PDE8B: variants seen among roughly 807,000 people sequenced by gnomAD.
The protein encoded by PDE8B is high affinity cAMP-specific and IBMX-insensitive 3',5'-cyclic phosphodiesterase 8B.
PDE8B carries 26 observed loss-of-function variants against 101.3 expected under a neutral mutation model. The observed-to-expected ratio is 0.26, with a 90% CI of 0.19 to 0.36. The LOEUF (loss-of-function observed/expected upper bound fraction) is 0.36, where lower values mean the gene tolerates loss of function less well. Among genes scored for constraint, PDE8B ranks in the 10% least tolerant of loss-of-function variants. The pLI is 1.00. For synonymous variants in PDE8B, 424 were observed against 429.3 expected (o/e 0.99, Z 0.15); for missense variants, 810 against 1,163.1 (o/e 0.70, Z 4.42).
chr5:77,418,454 G>A lies in PDE8B; in HGVS notation c.2129+8G>A, dbSNP rs755918113. 1.3e-5 allele frequency: 20 copies of A among 1,597,212 alleles called. No individual in the cohort carries two copies. In the Admixed American group the frequency reaches 3.4e-4, roughly 27 times the overall value. On this transcript the variant is annotated splice_region_variant and intron_variant, in intron 18 of 21. Transcript: ENST00000264917. ...TTTCAAGAATATTGACAGGTTTGTTGTGCTGGGGCTCCTGTGCTCAAGTTT... is the reference window on the plus strand; with the variant it reads ...TTTCAAGAATATTGACAGGTTTGTTATGCTGGGGCTCCTGTGCTCAAGTTT...
the PDE8B span, chr5:77,112,530 A>ATTATTTTGAGCTTATCTT: frequency 8.5e-5 from 13 of 152,192 alleles, no homozygotes; most frequent in Non-Finnish European, 1.9e-4. Context: ...ATCTCAAAAT[A>ATTATTTTGAGCTTATCTT]ATAAGAGCTA....
chr5:77,210,973 C>G lies in PDE8B; in HGVS notation c.48C>G (p.Tyr16Ter). The G allele has an allele frequency of 6.5e-7, 1 of 1,537,782 alleles. No homozygotes were observed. Among genetic ancestry groups the G allele is most frequent in the Non-Finnish European group, 8.7e-7 (1 of 1,152,110 alleles). Reference sequence around the variant, plus strand: ...ATGTCTCGCAGAGCGGCGTGATCTACTGCCGGGACTCGGACGAGTCCAGCT... The same window carrying G: ...ATGTCTCGCAGAGCGGCGTGATCTAGTGCCGGGACTCGGACGAGTCCAGCT... The part of the protein sequence containing the change: ...SIHVSQSGVI[Y>*]CRDSDESSSP... Residue 16 changes from tyrosine (Y) to a stop codon, truncating the protein, a stop_gained, in exon 1 of 22, where the codon TAC becomes TAG. Transcript: ENST00000264917. LOFTEE classifies it high-confidence loss of function. The surrounding 1 kb of genome is among the most constrained non-coding windows in gnomAD (Gnocchi z 4.9).
intron 4 of PDE8B, 97 bp from the exon 5 acceptor site, chr5:77,331,305 C>A (rs1400882435): frequency 9.3e-6 from 10 of 1,071,944 alleles, no homozygotes; most frequent in Non-Finnish European, 1.5e-5. Flanking sequence ...ACTCTTGGAG[C>A]TAACGCTGTG....
At chr5:77,208,630 G>T (rs1221163817), upstream of PDE8B, among the ~76,000 whole-genome samples, 2 of 152,190 alleles carry the variant, frequency 1.3e-5, no homozygotes, top group Non-Finnish European at 2.9e-5. Flanking sequence ...ATGGGACAAG[G>T]AAACATGGAT....
intron 1 of PDE8B, among the ~76,000 whole-genome samples, chr5:77,248,405 T>G (rs555125309): frequency 6.6e-6 from 1 of 152,228 alleles, no homozygotes; most frequent in South Asian, 2.1e-4. Context: ...GGATACCTTC[T>G]ATCCTCAAGA....
At chr5:77,130,644 T>C in the PDE8B span, among the ~76,000 whole-genome samples, 13 of 152,102 alleles carry the variant, frequency 8.5e-5, no homozygotes, top group African/African-American at 3.1e-4. Context: ...ATACACCTTA[T>C]GGTAGAAAAC....
intron 1 of PDE8B, among the ~76,000 whole-genome samples, chr5:77,301,036 C>A (rs1561492774): frequency 6.6e-6 from 1 of 152,190 alleles, no homozygotes; most frequent in Non-Finnish European, 1.5e-5. Flanking sequence ...CTGGGGCCAT[C>A]TAATCTTTGG....
At chr5:77,147,334 G>A in the PDE8B span, 10 of 171,410 alleles carry the variant, frequency 5.8e-5, no homozygotes, top group East Asian at 1.7e-3. Context: ...GCTTTAGATA[G>A]CCCTGTCCTG....
At chr5:77,393,824 G>C (rs1002609193) in intron 10 of PDE8B, among the ~76,000 whole-genome samples, 1 of 152,180 alleles carries the variant, frequency 6.6e-6, no homozygotes, top group Non-Finnish European at 1.5e-5. Flanking sequence ...TCCTGGGCCT[G>C]TCAGAAAGTG....
chr5:77,276,011 A>C (rs1456135448), intron 1 of PDE8B, among the ~76,000 whole-genome samples: 1 of 152,218 alleles, frequency 6.6e-6, no homozygotes, highest in African/African-American at 2.4e-5. Context: ...ATAAAGTTCA[A>C]AATATGAGTG....
At chr5:77,366,381 G>A (rs1784145826) in intron 10 of PDE8B, among the ~76,000 whole-genome samples, 1 of 152,220 alleles carries the variant, frequency 6.6e-6, no homozygotes, top group Non-Finnish European at 1.5e-5. Flanking sequence ...ACAGTGTTCT[G>A]GGTAAGCAGT....
chr5:77,103,914 G>A, the PDE8B span, among the ~76,000 whole-genome samples: 2 of 152,180 alleles, frequency 1.3e-5, no homozygotes, highest in Admixed American at 1.3e-4. Context: ...TGCATGGAAA[G>A]CTTCCACACT....
chr5:77,208,432 T>C (rs564106546), upstream of PDE8B, among the ~76,000 whole-genome samples: 1 of 152,364 alleles, frequency 6.6e-6, no homozygotes, highest in East Asian at 1.9e-4. Context: ...AAACCCTGAC[T>C]TGAACGTTAC....
chr5:77,123,309 T>C, the PDE8B span, among the ~76,000 whole-genome samples: 2 of 152,238 alleles, frequency 1.3e-5, no homozygotes, highest in South Asian at 4.1e-4. Flanking sequence ...TATCTCATTC[T>C]AATGACATCC....
chr5:77,267,655 C>G (rs1219823038), intron 1 of PDE8B, among the ~76,000 whole-genome samples: 3 of 152,190 alleles, frequency 2.0e-5, no homozygotes, highest in African/African-American at 7.2e-5. Flanking sequence ...TGTCCCAACT[C>G]TCACCAGCTC....
chr5:77,087,740 C>CTT, the PDE8B span: 3 of 152,282 alleles, frequency 2.0e-5, no homozygotes, highest in African/African-American at 7.2e-5. Flanking sequence ...GAAAGGTCAA[C>CTT]TTTTCTGGGC....
At chr5:77,391,162 G>C (rs573833774) in intron 10 of PDE8B, among the ~76,000 whole-genome samples, 5 of 152,256 alleles carry the variant, frequency 3.3e-5, no homozygotes, top group African/African-American at 1.2e-4. Flanking sequence ...GTAAGTGTAG[G>C]GTCCACAAGA....
chr5:77,311,881 G>T, intron 1 of PDE8B, 113 bp from the exon 2 acceptor site: 1 of 860,172 alleles, frequency 1.2e-6, no homozygotes, highest in South Asian at 1.3e-5. Flanking sequence ...CAGTAAGCTG[G>T]ATTCTTCAAT....
In PDE8B at chr5:77,418,277, G is replaced by A. The variant is rs1795976197; in HGVS notation, c.1960G>A (p.Val654Ile). Residue 654 changes from valine (V) to isoleucine (I), a missense_variant, in exon 18 of 22, where the codon GTC becomes ATC. By Grantham distance (29) the Val-to-Ile change is conservative (BLOSUM62 3). Around this residue, in one of 4 missense-constraint regions of PDE8B, gnomAD observed 325 missense variants for 560.9 expected, o/e 0.58. Transcript: ENST00000264917. ...GGTGGCAGCCCTCATTGCTGCCACA[G>A]TCCATGACGTGGATCACCCGGGAAG... ...DEVAALIAAT[V>I]HDVDHPGRTN... 1.2e-6 allele frequency: 2 copies of A among 1,613,926 alleles called. No individual in the cohort carries two copies. The highest frequency in any genetic ancestry group is 1.7e-6 in the Non-Finnish European group (2 of 1,179,898).
Sources: allele counts gnomAD v4.1 joint callset (sites outside exome capture counted in the v4.1 genomes callset), GRCh38; gene constraint gnomAD v4.1.1; regional missense constraint gnomAD v4.1.1; non-coding constraint Gnocchi (gnomAD v3.1); transcripts MANE v1.5; gene names NCBI Gene and HGNC (gene_info 2026-07-23, HGNC 2026-07-21).